Variants in TGM1 observed in about 807,000 individuals in gnomAD.
TGM1 encodes protein-glutamine gamma-glutamyltransferase K.
In TGM1, 63 loss-of-function variants were observed where a neutral mutation model predicts 88.7. The observed-to-expected ratio is 0.71, with a 90% CI of 0.58 to 0.88. The LOEUF is 0.88. Ranked by LOEUF, TGM1 falls within the 40% of genes least tolerant of loss-of-function variation. The pLI, the probability that TGM1 is intolerant of heterozygous loss-of-function variation, is 0.00. For missense variants in TGM1, 996 were observed against 1,118.0 expected, an observed-to-expected ratio of 0.89 and a Z score of 1.56; for synonymous variants, 415 against 431.1, an observed-to-expected ratio of 0.96 and a Z score of 0.46.
In TGM1 at chr14:24,255,524, G is replaced by A. The variant is rs199639117; in HGVS notation, c.1492-7C>T. ...ACACCTTGTCACTATTCACCTGTGG[G>A]GGGTGGGGGTGAGCAGGAATGAGTG... On this transcript the variant is annotated splice_polypyrimidine_tract_variant and splice_region_variant and intron_variant, in intron 10 of 14. Coordinates refer to ENST00000206765, the MANE Select transcript of TGM1 (RefSeq NM_000359.3). The surrounding 1 kb of genome is among the most constrained non-coding windows in gnomAD (Gnocchi z 4.0). 29 of 1,612,824 alleles carry A rather than the reference G, an allele frequency of 1.8e-5. No homozygotes were observed. In the Middle Eastern group the frequency reaches 5.9e-4, roughly 33 times the overall value.
Position 24,255,095 on chromosome 14 carries a change from T to C in TGM1, c.1804A>G (p.Asn602Asp). 6.2e-7 allele frequency: 1 copy of C among 1,614,160 alleles called. No individual in the cohort carries two copies. The highest frequency in any genetic ancestry group is 1.6e-4 in the Middle Eastern group (1 of 6,062). The change falls in exon 12 of 15, where the codon AAT (asparagine) becomes GAT (aspartate). Residue 602 changes from asparagine (N) to aspartate (D), a missense_variant. Transcript: ENST00000206765. This position sits in a 1 kb window ranked among gnomAD's most constrained non-coding sequence, Gnocchi z 4.0. ...QDLMVSVMLINHSSSRRTVKL... is the reference protein window; with the variant it reads ...QDLMVSVMLIDHSSSRRTVKL... ...ACTGTGCGGCGGCTGCTGCTGTGAT[T>C]GATCAGCATCACAGAGACCATCAGA... is the stretch of plus-strand genomic sequence containing the variant.
intron 3 of TGM1, among the ~76,000 whole-genome samples, chr14:24,260,996 C>T (rs2139026743): frequency 6.6e-6 from 1 of 152,306 alleles, no homozygotes; most frequent in East Asian, 1.9e-4. Context: ...CTGACTATCA[C>T]AGTGCCTGGG....
intron 4 of TGM1, 39 bp from the exon 5 acceptor site, chr14:24,260,097 T>G (rs759409482): frequency 6.3e-7 from 1 of 1,576,010 alleles, no homozygotes; most frequent in South Asian, 1.1e-5. Flanking sequence ...TCCCTCCAGT[T>G]CTCTCCCTGG....
At chr14:24,262,839 C>G (rs1313199337) in intron 1 of TGM1, among the ~76,000 whole-genome samples, 2 of 152,252 alleles carry the variant, frequency 1.3e-5, no homozygotes, top group East Asian at 3.8e-4. Context: ...AGACAAGTGA[C>G]CCCGGGGCCT....
Position 24,255,331 on chromosome 14 carries a change from G to A in TGM1, c.1645+33C>T. Reference sequence around the variant, plus strand: ...CACTTGGCAGGAACACTTGTTGTGGGGCCCAGAGCTGGCTGGGTTGGGGGA... The same window carrying A: ...CACTTGGCAGGAACACTTGTTGTGGAGCCCAGAGCTGGCTGGGTTGGGGGA... On this transcript the variant is annotated intron_variant, in intron 11 of 14. Coordinates refer to ENST00000206765, the MANE Select transcript of TGM1 (RefSeq NM_000359.3). This position sits in a 1 kb window ranked among gnomAD's most constrained non-coding sequence, Gnocchi z 4.0. 6.2e-7 allele frequency: 1 copy of A among 1,614,240 alleles called. No individual in the cohort carries two copies. Among genetic ancestry groups the A allele is most frequent in the Non-Finnish European group, 8.5e-7 (1 of 1,180,042 alleles).
intron 12 of TGM1, 67 bp from the exon 13 acceptor site, chr14:24,254,891 C>T (rs2040735076): frequency 6.2e-7 from 1 of 1,612,658 alleles, no homozygotes; most frequent in African/African-American, 1.3e-5. Context: ...CAGGGACTCC[C>T]CACTGCTCCT....
In TGM1 at chr14:24,258,242, G is replaced by T. The variant is rs1385351276; in HGVS notation, c.1402+43C>A. 7 of 1,503,572 alleles carry T rather than the reference G, an allele frequency of 4.7e-6. No individual in the cohort carries two copies. In the Admixed American group the frequency reaches 6.7e-5, roughly 14 times the overall value. The allele number at this position is 1,503,572 out of a possible 1,614,324, so 93.1% of individuals were successfully genotyped here. A position where few individuals can be genotyped will look rare whatever the true frequency, so the allele number is the denominator to read the frequency against. ...TCTGGACTGTGTTAATCAGGTGGGG[G>T]AGATAAGCAGGGGCATGGTGGGGAG... On this transcript the variant is annotated intron_variant, in intron 9 of 14. Coordinates refer to ENST00000206765, the MANE Select transcript of TGM1 (RefSeq NM_000359.3).
Position 24,255,520 on chromosome 14 carries a change from G to GT in TGM1, c.1492-4dup, listed in dbSNP as rs761677642. ...CAGTACACCTTGTCACTATTCACCT[G>GT]TGGGGGGTGGGGGTGAGCAGGAATG... On this transcript the variant is annotated splice_polypyrimidine_tract_variant and splice_region_variant and intron_variant, in intron 10 of 14. Coordinates refer to ENST00000206765, the MANE Select transcript of TGM1 (RefSeq NM_000359.3). The surrounding 1 kb of genome is among the most constrained non-coding windows in gnomAD (Gnocchi z 4.0). The GT allele has an allele frequency of 1.9e-6, 3 of 1,612,910 alleles. No individual in the cohort carries two copies. In the Admixed American group the frequency reaches 5.0e-5, roughly 27 times the overall value.
chr14:24,250,179 T>TGAGAGAGA lies in TGM1; in HGVS notation c.2226-646_2226-639dup, dbSNP rs1555305392. Among the ~76,000 whole-genome samples, 185 of 140,800 alleles carry TGAGAGAGA rather than the reference T, an allele frequency of 1.3e-3. 4 individuals carry two copies. In the East Asian group the frequency reaches 0.015, roughly 12 times the overall value. The allele number at this position is 140,800 out of a possible 152,430, so 92.4% of individuals were successfully genotyped here. On this transcript the variant is annotated intron_variant, in intron 14 of 14. Transcript: ENST00000206765. ...GTGTGTGTGTGTGTGTGTGTGTGTG[T>TGAGAGAGA]GAGAGAGACAGAGAGGTGGGTGGAC... is the stretch of plus-strand genomic sequence containing the variant.
intron 14 of TGM1, 85 bp downstream of exon 14, chr14:24,254,067 C>CA: frequency 6.5e-7 from 1 of 1,543,836 alleles, no homozygotes; most frequent in Non-Finnish European, 8.8e-7. Flanking sequence ...CTTGTCCAGA[C>CA]AGAGAGGGAG....
Position 24,254,975 on chromosome 14 carries a change from C to G in TGM1, c.1924G>C (p.Ala642Pro), listed in dbSNP as rs199735949. Residue 642 changes from alanine to proline, a missense_variant, in exon 12 of 15, where the codon GCC becomes CCC. Transcript: ENST00000206765. ...TKKEVELAPG[A>P]SDRVTMPVAY... ...GGGCTGGGTAAGGAGCACTTACAGGCCCCTGGTGCCAGCTCCACTTCCTTC... is the reference window on the plus strand; with the variant it reads ...GGGCTGGGTAAGGAGCACTTACAGGGCCCTGGTGCCAGCTCCACTTCCTTC... The G allele has an allele frequency of 7.4e-5, 119 of 1,613,618 alleles. No individual in the cohort carries two copies. Among genetic ancestry groups the G allele is most frequent in the Non-Finnish European group, 4.2e-6 (5 of 1,180,018 alleles).
In TGM1 at chr14:24,254,216, G is replaced by A; in HGVS notation, c.2161C>T (p.Leu721Phe). The stretch of plus-strand genomic sequence containing the variant: ...TCGAGCCGGAAGACGACATTGGTGA[G>A]GGTGACGGGAAGGGGGTTCTTGAAG... ...IVFKNPLPVT[L>F]TNVVFRLEGS... The change falls in exon 14 of 15, where the codon CTC becomes TTC. Residue 721 changes from leucine (L) to phenylalanine (F), a missense_variant. Coordinates refer to ENST00000206765, the MANE Select transcript of TGM1 (RefSeq NM_000359.3). The A allele has an allele frequency of 1.9e-6, 3 of 1,614,042 alleles. No individual in the cohort carries two copies. The highest frequency in any genetic ancestry group is 1.7e-6 in the Non-Finnish European group (2 of 1,180,002).
At chr14:24,252,001 G>A (rs2040704912) in intron 14 of TGM1, among the ~76,000 whole-genome samples, 1 of 152,144 alleles carries the variant, frequency 6.6e-6, no homozygotes. Context: ...GACTGCTTTT[G>A]GTGGTGACAA....
In TGM1 at chr14:24,260,463, G is replaced by A. The variant is rs1483951487; in HGVS notation, c.744C>T (p.Asn248=). The change falls in exon 4 of 15, where the codon AAC becomes AAT. Residue 248 remains asparagine, a synonymous_variant. Transcript: ENST00000206765. Reference sequence around the variant, plus strand: ...CCAGCTGCTCACCTGGGCACCAGGGGTTGAAGAGGATGTAGATCTCATTGC... The same window carrying A: ...CCAGCTGCTCACCTGGGCACCAGGGATTGAAGAGGATGTAGATCTCATTGC... The part of the protein sequence containing the change: ...DPRNEIYILF[N]PWCPEDIVYV... The A allele has an allele frequency of 1.2e-6, 2 of 1,614,222 alleles. No homozygotes were observed. Among genetic ancestry groups the A allele is most frequent in the South Asian group, 1.1e-5 (1 of 91,088 alleles).
intron 14 of TGM1, 50 bp downstream of exon 14, chr14:24,254,102 G>A: frequency 1.9e-6 from 3 of 1,583,760 alleles, no homozygotes; most frequent in Admixed American, 3.7e-5. Context: ...AGGGCAGCCT[G>A]TGGGGAAGGC....
In TGM1 at chr14:24,259,561, G is replaced by T; in HGVS notation, c.984+143C>A. 1.3e-6 allele frequency: 1 copy of T among 762,452 alleles called. No homozygotes were observed. Among genetic ancestry groups the T allele is most frequent in the South Asian group, 1.5e-5 (1 of 66,956 alleles). The allele number at this position is 762,452 out of a possible 1,614,324, so 47.2% of individuals were successfully genotyped here. A position where few individuals can be genotyped will look rare whatever the true frequency, so the allele number is the denominator to read the frequency against. On this transcript the variant is annotated intron_variant, in intron 6 of 14. Transcript: ENST00000206765. This position sits in a 1 kb window ranked among gnomAD's most constrained non-coding sequence, Gnocchi z 5.7. ...CAGGCAAGGGAGAGAAGAGGAGGGA[G>T]ACCCCTTCCTGAAGTATCCTTTACG...
At position 24,259,342 on chromosome 14, in the gene TGM1, A is replaced by C; in HGVS notation, c.985-93T>G. On this transcript the variant is annotated intron_variant, in intron 6 of 14. Coordinates refer to ENST00000206765, the MANE Select transcript of TGM1 (RefSeq NM_000359.3). The surrounding 1 kb of genome is among the most constrained non-coding windows in gnomAD (Gnocchi z 5.7). ...GGGACCAGCCGGGCCCCGATCCTGC[A>C]ACCACCCCTTACCCCTAAATGCCTC... 2 of 1,258,268 alleles carry C rather than the reference A, an allele frequency of 1.6e-6. No individual in the cohort carries two copies. Among genetic ancestry groups the C allele is most frequent in the Non-Finnish European group, 2.3e-6 (2 of 884,760 alleles). The allele number at this position is 1,258,268 out of a possible 1,614,324, so 77.9% of individuals were successfully genotyped here.
chr14:24,254,595 C>T (rs748559998), intron 13 of TGM1, 69 bp downstream of exon 13: 7 of 1,610,366 alleles, frequency 4.3e-6, no homozygotes, highest in Non-Finnish European at 5.9e-6. Context: ...TTAGCGCCCA[C>T]CTCTGATGTC....
chr14:24,254,812 G>A lies in TGM1; in HGVS notation c.1940C>T (p.Thr647Ile), dbSNP rs778371971. The change falls in exon 13 of 15, where the codon ACC (threonine) becomes ATC (isoleucine). Residue 647 changes from threonine (T) to isoleucine (I), a missense_variant. Transcript: ENST00000206765. ...GTATTCCTTGTAGGCCACTGGCATG[G>A]TCACACGGTCCGCTGTGGAGAAGAG... Reference protein sequence around the residue: ...ELAPGASDRVTMPVAYKEYRP... With the variant: ...ELAPGASDRVIMPVAYKEYRP... 3 of 1,613,854 alleles carry A rather than the reference G, an allele frequency of 1.9e-6. No homozygotes were observed. Among genetic ancestry groups the A allele is most frequent in the Non-Finnish European group, 2.5e-6 (3 of 1,180,028 alleles).
Sources: allele counts gnomAD v4.1 joint callset (sites outside exome capture counted in the v4.1 genomes callset), GRCh38; gene constraint gnomAD v4.1.1; non-coding constraint Gnocchi (gnomAD v3.1); transcripts MANE v1.5; gene names NCBI Gene and HGNC (gene_info 2026-07-23, HGNC 2026-07-21).